The following PCSK6 variants were observed in gnomAD, a reference collection of about 807,000 sequenced individuals.
PCSK6 encodes the protein paired basic amino acid cleaving enzyme 4.
A neutral mutation model predicts 123.3 loss-of-function variants in PCSK6; 85 were observed. That is an observed-to-expected ratio of 0.69 (90% CI 0.58 to 0.83). The LOEUF (loss-of-function observed/expected upper bound fraction) is 0.83. Among genes scored for constraint, PCSK6 ranks in the 40% least tolerant of loss-of-function variants. The pLI, the probability that PCSK6 is intolerant of heterozygous loss-of-function variation, is 0.00. For synonymous variants in PCSK6, 508 were observed against 516.0 expected (o/e 0.98, Z 0.21); for missense variants, 1,191 against 1,282.3 (o/e 0.93, Z 1.09).
intron 15 of PCSK6, 133 bp downstream of exon 15, chr15:101,331,518 G>C (rs951960965): frequency 2.6e-6 from 2 of 756,520 alleles, no homozygotes; most frequent in African/African-American, 3.4e-5. Flanking sequence ...TGAGATGGGG[G>C]CCTTTGGAAA....
chr15:101,324,508 C>T (rs1596183588), intron 17 of PCSK6, among the ~76,000 whole-genome samples: 1 of 152,324 alleles, frequency 6.6e-6, no homozygotes, highest in East Asian at 1.9e-4. Flanking sequence ...TACCTGAAAT[C>T]AGACTGAGTT....
At chr15:101,405,004 C>T (rs2042726073) in intron 6 of PCSK6, among the ~76,000 whole-genome samples, 1 of 152,178 alleles carries the variant, frequency 6.6e-6, no homozygotes, top group Non-Finnish European at 1.5e-5. Context: ...TGCTTTTCAT[C>T]TTGGAAAAAG....
rs551003046 is a variant in PCSK6, at chr15:101,308,668, T to A, written c.2700-1343A>T. The A allele has an allele frequency of 2.3e-4, 35 of 151,980 alleles. 1 individual carries two copies. The highest frequency in any genetic ancestry group is 2.3e-3 in the Admixed American group (35 of 15,268). The allele number at this position is 151,980 out of a possible 1,614,324, so 9.4% of individuals were successfully genotyped here. On this transcript the variant is annotated intron_variant, in intron 20 of 21. Coordinates refer to ENST00000611716, the MANE Select transcript of PCSK6 (RefSeq NM_002570.5). ...GGCCGCCCCAGAGGAAAGGATGGGG[T>A]TAGAGGACTTGCCAGAGGGGGTTGT... is the stretch of plus-strand genomic sequence containing the variant.
intron 5 of PCSK6, among the ~76,000 whole-genome samples, chr15:101,428,867 A>G (rs1213370805): frequency 6.6e-6 from 1 of 152,078 alleles, no homozygotes; most frequent in East Asian, 1.9e-4. Flanking sequence ...TCGGGATGGG[A>G]TTGAATCCTG....
Position 101,370,486 on chromosome 15 carries a change from G to A in PCSK6, c.1570C>T (p.Leu524=). The part of the protein sequence containing the change: ...PLVQVLRTTA[L]TSACAEHSDQ... ...GAGTGCTCCGCGCAGGCGCTGGTCA[G>A]GGCCGTAGTCCGCAGCACCTGCACT... is the stretch of plus-strand genomic sequence containing the variant. Residue 524 remains leucine (L), a synonymous_variant, in exon 12 of 22, where the codon CTG becomes TTG. Transcript: ENST00000611716. 3.2e-6 allele frequency: 5 copies of A among 1,540,704 alleles called. No individual in the cohort carries two copies. The highest frequency in any genetic ancestry group is 4.4e-6 in the Non-Finnish European group (5 of 1,140,622).
In PCSK6 at chr15:101,429,975, G is replaced by A. The variant is rs78384772; in HGVS notation, c.734+12C>T. The stretch of plus-strand genomic sequence containing the variant: ...GGAAGAGAAGCCGGGGAGATGAGGC[G>A]AGGTGACGTACTTATTTTCATTGCT... On this transcript the variant is annotated intron_variant, in intron 5 of 21. Transcript: ENST00000611716. 3.3e-4 allele frequency: 527 copies of A among 1,606,238 alleles called. 6 individuals carry two copies. In the East Asian group the frequency reaches 7.9e-3, roughly 24 times the overall value.
intron 2 of PCSK6, among the ~76,000 whole-genome samples, chr15:101,435,731 A>T (rs1278230813): frequency 6.6e-6 from 1 of 152,222 alleles, no homozygotes; most frequent in African/African-American, 2.4e-5. Context: ...CTTCTCGAGA[A>T]GCCAAGTTAA....
intron 1 of PCSK6, among the ~76,000 whole-genome samples, chr15:101,453,009 T>C (rs557044330): frequency 6.6e-6 from 1 of 152,318 alleles, no homozygotes; most frequent in Admixed American, 6.5e-5. Flanking sequence ...GTAAAAGAAA[T>C]TTTTAATTGT....
intron 1 of PCSK6, among the ~76,000 whole-genome samples, chr15:101,481,956 AGC>A (rs1333370977): frequency 2.6e-5 from 4 of 152,108 alleles, no homozygotes; most frequent in Non-Finnish European, 5.9e-5. Context: ...CCCGAGACAG[AGC>A]CATGCTGGTG....
At chr15:101,370,757 G>A (rs2041559795) in intron 11 of PCSK6, among the ~76,000 whole-genome samples, 1 of 152,226 alleles carries the variant, frequency 6.6e-6, no homozygotes, top group African/African-American at 2.4e-5. Context: ...TTTGAAAGAT[G>A]GTTCGGCTGG....
At chr15:101,446,466 C>T (rs6598476) in intron 1 of PCSK6, among the ~76,000 whole-genome samples, 99,307 of 152,134 alleles carry the variant, frequency 0.65, 32,762 homozygotes, top group Non-Finnish European at 0.68. Flanking sequence ...CAAATATCTG[C>T]TCGTGTCCCT....
chr15:101,329,670 C>T (rs148823248), intron 15 of PCSK6, among the ~76,000 whole-genome samples: 24 of 152,350 alleles, frequency 1.6e-4, no homozygotes, highest in African/African-American at 3.6e-4. Flanking sequence ...GTCTTCCAGA[C>T]GATGCCACGT....
At chr15:101,458,185 A>G (rs1204380357) in intron 1 of PCSK6, among the ~76,000 whole-genome samples, 1 of 152,220 alleles carries the variant, frequency 6.6e-6, no homozygotes, top group Non-Finnish European at 1.5e-5. Context: ...TGCCATGTGC[A>G]CTATCTCAGC....
chr15:101,483,129 C>T (rs1057103138), intron 1 of PCSK6, among the ~76,000 whole-genome samples: 9 of 152,202 alleles, frequency 5.9e-5, no homozygotes, highest in African/African-American at 2.2e-4. Flanking sequence ...AGCATAAAAC[C>T]AAGACAGCCT....
At chr15:101,307,106 T>C in intron 21 of PCSK6, 107 bp downstream of exon 21, 1 of 755,882 alleles carries the variant, frequency 1.3e-6, no homozygotes, top group Non-Finnish European at 2.3e-6. Flanking sequence ...CGAACGCCTG[T>C]CTGTGGAGCC....
intron 11 of PCSK6, among the ~76,000 whole-genome samples, chr15:101,378,920 C>T (rs772030804): frequency 8.5e-5 from 13 of 152,254 alleles, no homozygotes; most frequent in South Asian, 2.1e-4. Context: ...CTGGCATCAC[C>T]GCCCCAGCTC....
chr15:101,462,874 G>A (rs114265166), intron 1 of PCSK6, among the ~76,000 whole-genome samples: 1,959 of 152,138 alleles, frequency 0.013, 48 homozygotes, highest in African/African-American at 0.041. Context: ...TTCCTCTACC[G>A]TGCTTTCAGC....
At position 101,483,913 on chromosome 15, in the gene PCSK6, G is replaced by A. The variant is rs1478225409; in HGVS notation, c.297+5461C>T. ...GGGCCTGCAGGCACCTGCCTCCAGC[G>A]GTGGGCTTCAGATGGTCCAGAAGCA... On this transcript the variant is annotated intron_variant, in intron 1 of 21. Coordinates refer to ENST00000611716, the MANE Select transcript of PCSK6 (RefSeq NM_002570.5). Among the ~76,000 whole-genome samples, 6 of 152,208 alleles carry A rather than the reference G, an allele frequency of 3.9e-5. No individual in the cohort carries two copies. The East Asian group carries it at 5.8e-4, about 15-fold the overall frequency.
chr15:101,437,870 T>G (rs909021219), intron 2 of PCSK6, among the ~76,000 whole-genome samples: 4 of 152,150 alleles, frequency 2.6e-5, no homozygotes, highest in African/African-American at 9.7e-5. Context: ...TAAATTCTTA[T>G]GTTGAAATCT....
Sources: allele counts gnomAD v4.1 joint callset (sites outside exome capture counted in the v4.1 genomes callset), GRCh38; gene constraint gnomAD v4.1.1; transcripts MANE v1.5; gene names NCBI Gene and HGNC (gene_info 2026-07-23, HGNC 2026-07-21).